MRPS18C: variants seen among roughly 807,000 people sequenced by gnomAD.
MRPS18C encodes the protein mitochondrial ribosomal protein S18C.
In MRPS18C, 21 loss-of-function variants were observed where a neutral mutation model predicts 21.0. The ratio of observed to expected loss-of-function variants is 1.00; its 90% CI spans 0.71 to 1.44. The LOEUF (loss-of-function observed/expected upper bound fraction) is 1.44. Among genes scored for constraint, MRPS18C ranks in the 40% most tolerant of loss-of-function variants. The probability of loss-of-function intolerance (pLI) is 0.00; values close to 1 mark genes in which losing one functional copy is unlikely to be tolerated. For synonymous variants in MRPS18C, 65 were observed against 54.3 expected, an observed-to-expected ratio of 1.20 and a Z score of -0.87; for missense variants, 152 against 171.5, an observed-to-expected ratio of 0.89 and a Z score of 0.64.
chr4:83,460,547 G>A (rs888359921), intron 4 of MRPS18C: 6 of 200,774 alleles, frequency 3.0e-5, no homozygotes, highest in Middle Eastern at 2.3e-3. Flanking sequence ...AGACTGTATG[G>A]CCCACAAAAC....
chr4:83,459,061 G>C (rs1721974490), intron 3 of MRPS18C: 1 of 149,166 alleles, frequency 6.7e-6, no homozygotes, highest in South Asian at 2.1e-4. Flanking sequence ...CAGGAGATTT[G>C]CTTGAACCCA....
chr4:83,457,106 T>G (rs571824958), intron 2 of MRPS18C, 148 bp downstream of exon 2: 2 of 607,830 alleles, frequency 3.3e-6, no homozygotes, highest in Non-Finnish European at 5.6e-6. Flanking sequence ...AATTTGATAA[T>G]TACTCTGAGT....
chr4:83,460,938 A>AT (rs779054803), intron 4 of MRPS18C, 35 bp from the exon 5 acceptor site: 14 of 1,571,796 alleles, frequency 8.9e-6, no homozygotes, highest in Admixed American at 4.0e-5. Flanking sequence ...AAATATTGAC[A>AT]TTTTTTATGA....
rs906492061 is a variant in MRPS18C, at chr4:83,456,933, A to G, written c.125A>G (p.Gln42Arg). 1 of 1,612,558 alleles carries G rather than the reference A, an allele frequency of 6.2e-7. No homozygotes were observed. Among genetic ancestry groups the G allele is most frequent in the Non-Finnish European group, 8.5e-7 (1 of 1,179,868 alleles). The change falls in exon 2 of 6, where the codon CAA becomes CGA. Residue 42 changes from glutamine (Q) to arginine (R), a missense_variant. Physicochemically the swap from Gln to Arg is conservative, Grantham distance 43. Transcript: ENST00000295491. Reference protein sequence around the residue: ...HTVLWRRGCSQQVSSNEDLPI... With the variant: ...HTVLWRRGCSRQVSSNEDLPI... ...GTGCTTTGGAGAAGAGGTTGTTCAC[A>G]ACAGGTATCCAGCAATGAGGACCTG...
At chr4:83,458,525 G>T in intron 3 of MRPS18C, 96 bp downstream of exon 3, 2 of 900,806 alleles carry the variant, frequency 2.2e-6, no homozygotes, top group Non-Finnish European at 1.7e-6. Flanking sequence ...CTTTTGTAGA[G>T]GTAACTGTTT....
chr4:83,456,249 T>G, intron 1 of MRPS18C, 72 bp downstream of exon 1: 37 of 1,151,878 alleles, frequency 3.2e-5, no homozygotes, highest in Non-Finnish European at 4.0e-5. Flanking sequence ...GTTAGAGTCG[T>G]CCCTGTTAGC....
At chr4:83,458,081 A>T (rs1016248778) in intron 2 of MRPS18C, 1 of 344,818 alleles carries the variant, frequency 2.9e-6, no homozygotes, top group Non-Finnish European at 5.2e-6. Context: ...CTACAATCTG[A>T]GCAAAGCATT....
chr4:83,462,280 G>A lies in MRPS18C; in HGVS notation c.*1083G>A. The A allele has an allele frequency of 1.8e-6, 1 of 558,172 alleles. No homozygotes were observed. Among genetic ancestry groups the A allele is most frequent in the Non-Finnish European group, 3.1e-6 (1 of 321,186 alleles). The allele number at this position is 558,172 out of a possible 1,614,324, so 34.6% of individuals were successfully genotyped here. A position where few individuals can be genotyped will look rare whatever the true frequency, so the allele number is the denominator to read the frequency against. On this transcript the variant is annotated 3_prime_UTR_variant, in exon 6 of 6. Coordinates refer to ENST00000295491, the MANE Select transcript of MRPS18C (RefSeq NM_016067.4). ...GTGAAAAAAAGGTTTGGAAATAAAA[G>A]CATCTGATGTTTGAAAAAGTACTTT...
Position 83,456,925 on chromosome 4 carries a change from T to G in MRPS18C, c.117T>G (p.Gly39=). ...PGTHTVLWRR[G]CSQQVSSNED... The stretch of plus-strand genomic sequence containing the variant: ...TAATCGCAGTGCTTTGGAGAAGAGG[T>G]TGTTCACAACAGGTATCCAGCAATG... Residue 39 remains glycine, a synonymous_variant, in exon 2 of 6, where the codon GGT becomes GGG. Coordinates refer to ENST00000295491, the MANE Select transcript of MRPS18C (RefSeq NM_016067.4). 1.9e-6 allele frequency: 3 copies of G among 1,612,512 alleles called. No individual in the cohort carries two copies. The East Asian group carries it at 6.7e-5, about 36-fold the overall frequency.
rs1721807690 is a variant in MRPS18C, at chr4:83,456,151, G to A, written c.74G>A (p.Ser25Asn). 6.2e-7 allele frequency: 1 copy of A among 1,613,806 alleles called. No individual in the cohort carries two copies. ...KLTHLVTAAVSLTHPGTHTVL... is the reference protein window; with the variant it reads ...KLTHLVTAAVNLTHPGTHTVL... ...ACACACTTGGTAACGGCTGCTGTCA[G>A]CCTTACACATCCCGGGACTCACACG... Residue 25 changes from serine to asparagine, a missense_variant, in exon 1 of 6, where the codon AGC (serine) becomes AAC (asparagine). Around this residue, in one of 2 missense-constraint regions of MRPS18C, gnomAD observed 118 missense variants for 104.4 expected, o/e 1.13. Coordinates refer to ENST00000295491, the MANE Select transcript of MRPS18C (RefSeq NM_016067.4).
chr4:83,461,486 G>T lies in MRPS18C; in HGVS notation c.*289G>T. 1 of 342,918 alleles carries T rather than the reference G, an allele frequency of 2.9e-6. No homozygotes were observed. The highest frequency in any genetic ancestry group is 5.5e-6 in the Non-Finnish European group (1 of 182,810). 21.2% of individuals were successfully genotyped at this position (342,918 alleles called of 1,614,324 possible). On this transcript the variant is annotated 3_prime_UTR_variant, in exon 6 of 6. Transcript: ENST00000295491. ...AATAGAATGGAATTAAAACTGTTCA[G>T]AATGATTTTCCAACTAGCAAATATA...
chr4:83,461,167 T>A lies in MRPS18C; in HGVS notation c.399T>A (p.Pro133=), dbSNP rs1223140248. ...AGGATCCTGCATATCTCAAGGACCC[T>A]AAAGTTTGTAACATCAGATATCGGG... ...TYKDPAYLKD[P]KVCNIRYRE The change falls in exon 6 of 6, where the codon CCT becomes CCA. Residue 133 remains proline (P), a synonymous_variant. Coordinates refer to ENST00000295491, the MANE Select transcript of MRPS18C (RefSeq NM_016067.4). 3.1e-6 allele frequency: 5 copies of A among 1,612,810 alleles called. No individual in the cohort carries two copies. The South Asian group carries it at 5.5e-5, about 18-fold the overall frequency.
rs755151528 is a variant in MRPS18C, at chr4:83,458,377, CTCT to C, written c.184_186del (p.Leu62del). On this transcript the variant is annotated inframe_deletion, in exon 3 of 6. Transcript: ENST00000295491. ...TCAATGGAAAATCCTTATAAAGAACCTCTTAAGAAATGTATCTTGTGTGGAAAG... is the reference window on the plus strand; with the variant it reads ...TCAATGGAAAATCCTTATAAAGAACCTAAGAAATGTATCTTGTGTGGAAAG... 8 of 1,605,260 alleles carry C rather than the reference CTCT, an allele frequency of 5.0e-6. No homozygotes were observed. The highest frequency in any genetic ancestry group is 5.1e-6 in the Non-Finnish European group (6 of 1,173,454).
At chr4:83,460,103 T>C (rs147484394) in intron 4 of MRPS18C, 2,209 of 202,262 alleles carry the variant, frequency 0.011, 22 homozygotes, top group Middle Eastern at 0.024. Context: ...CTATGGCCCA[T>C]AGGCCAAATT....
At chr4:83,459,901 C>T in intron 4 of MRPS18C, 104 bp downstream of exon 4, 3 of 950,654 alleles carry the variant, frequency 3.2e-6, no homozygotes, top group Non-Finnish European at 4.8e-6. Context: ...CTATAAATTA[C>T]TACTAGATCA....
At chr4:83,460,806 T>C (rs1722067049) in intron 4 of MRPS18C, 167 bp from the exon 5 acceptor site, 1 of 597,820 alleles carries the variant, frequency 1.7e-6, no homozygotes, top group East Asian at 3.0e-5. Context: ...CTAAGGAGGC[T>C]GAGGCAAGAT....
chr4:83,457,264 T>C, intron 2 of MRPS18C: 1 of 247,676 alleles, frequency 4.0e-6, no homozygotes, highest in South Asian at 9.5e-5. Flanking sequence ...GAATTGTTTT[T>C]TTTTTTTTTA....
intron 1 of MRPS18C, 55 bp downstream of exon 1, chr4:83,456,232 C>T: frequency 6.7e-7 from 1 of 1,485,666 alleles, no homozygotes; most frequent in East Asian, 2.3e-5. Flanking sequence ...TAACCTTAGT[C>T]CTAATGGTTA....
At chr4:83,460,293 G>C (rs542429001) in intron 4 of MRPS18C, 1 of 152,486 alleles carries the variant, frequency 6.6e-6, no homozygotes, top group South Asian at 2.1e-4. Flanking sequence ...GAATAGCTGG[G>C]ATTACAGGCA....
Sources: gnomAD v4.1 joint callset for allele counts on GRCh38, gnomAD v4.1.1 for gene constraint, gnomAD v4.1.1 regional missense constraint, MANE v1.5 for transcripts, NCBI Gene and HGNC (gene_info 2026-07-23, HGNC 2026-07-21) for gene names.